GALNT13: variants seen among roughly 807,000 people sequenced by gnomAD.
GALNT13 encodes polypeptide N-acetylgalactosaminyltransferase 13.
A neutral mutation model predicts 64.2 loss-of-function variants in GALNT13; 28 were observed. The ratio of observed to expected loss-of-function variants is 0.44; its 90% confidence interval spans 0.32 to 0.60. The LOEUF (loss-of-function observed/expected upper bound fraction) is 0.60. Ranked by LOEUF, GALNT13 falls within the 20% of genes least tolerant of loss-of-function variation. GALNT13 has a pLI of 0.05. For synonymous variants in GALNT13, 214 were observed against 224.6 expected, an observed-to-expected ratio of 0.95 and a Z score of 0.42; for missense variants, 577 against 669.8, an observed-to-expected ratio of 0.86 and a Z score of 1.53.
chr2:153,266,636 G>A, the GALNT13 span, among the ~76,000 whole-genome samples: 5 of 152,046 alleles, frequency 3.3e-5, no homozygotes, highest in African/African-American at 1.2e-4. Flanking sequence ...GATCTCATGA[G>A]AACTCACTCA....
the GALNT13 span, among the ~76,000 whole-genome samples, chr2:153,712,700 G>A: frequency 6.6e-6 from 1 of 152,078 alleles, no homozygotes; most frequent in Non-Finnish European, 1.5e-5. Flanking sequence ...CAACTTTGAG[G>A]TATACGACAT....
chr2:153,854,791 G>A, the GALNT13 span, among the ~76,000 whole-genome samples: 2 of 152,014 alleles, frequency 1.3e-5, 1 homozygote, highest in East Asian at 3.8e-4. Context: ...AAATTTTTTG[G>A]TGGAAACTAA....
chr2:153,590,940 T>C, the GALNT13 span, among the ~76,000 whole-genome samples: 1 of 151,754 alleles, frequency 6.6e-6, no homozygotes, highest in Non-Finnish European at 1.5e-5. Flanking sequence ...CCACTCCTAT[T>C]CAACATTGTA....
At chr2:153,453,243 C>T in the GALNT13 span, among the ~76,000 whole-genome samples, 197 of 152,128 alleles carry the variant, frequency 1.3e-3, no homozygotes, top group African/African-American at 4.6e-3. Context: ...CCAAAGCAAT[C>T]GCTACAAAAA....
chr2:153,765,052 G>A, the GALNT13 span, among the ~76,000 whole-genome samples: 11 of 152,330 alleles, frequency 7.2e-5, no homozygotes, highest in East Asian at 1.9e-4. Flanking sequence ...GATGTGCTGC[G>A]GGGACGTAGT....
the GALNT13 span, among the ~76,000 whole-genome samples, chr2:153,828,309 G>T: frequency 6.6e-6 from 1 of 152,200 alleles, no homozygotes; most frequent in African/African-American, 2.4e-5. Flanking sequence ...CCTAGCAAAG[G>T]TTCTCCATGA....
intron 3 of GALNT13, among the ~76,000 whole-genome samples, chr2:154,036,792 AAGGTTGGCT>A (rs1321580703): frequency 9.2e-5 from 14 of 152,130 alleles, no homozygotes; most frequent in African/African-American, 3.4e-4. Context: ...GATGGTCTAC[AAGGTTGGCT>A]GCCCATTGGA....
At chr2:153,135,878 A>G in the GALNT13 span, among the ~76,000 whole-genome samples, 2 of 152,244 alleles carry the variant, frequency 1.3e-5, no homozygotes, top group South Asian at 2.1e-4. Flanking sequence ...ATTTTTATAT[A>G]TGATTCTGTG....
the GALNT13 span, among the ~76,000 whole-genome samples, chr2:153,270,827 G>C: frequency 1.2e-4 from 18 of 152,062 alleles, no homozygotes; most frequent in African/African-American, 4.3e-4. Flanking sequence ...ACTCAGCCTA[G>C]GTGACAGGGT....
At chr2:153,359,585 C>G in the GALNT13 span, among the ~76,000 whole-genome samples, 32 of 122,720 alleles carry the variant, frequency 2.6e-4, no homozygotes, top group African/African-American at 9.4e-4. Context: ...GATGTGAGCA[C>G]TCACCTGAGC....
At chr2:153,859,069 C>A in the GALNT13 span, among the ~76,000 whole-genome samples, 1 of 152,178 alleles carries the variant, frequency 6.6e-6, no homozygotes, top group South Asian at 2.1e-4. Context: ...AGGTTAAGTA[C>A]TAGCTGCAGT....
At chr2:154,005,891 T>C (rs1292825547) in intron 3 of GALNT13, among the ~76,000 whole-genome samples, 1 of 152,170 alleles carries the variant, frequency 6.6e-6, no homozygotes, top group Non-Finnish European at 1.5e-5. Context: ...CTTTAGAATT[T>C]TCCTTTTGGA....
At chr2:153,767,921 A>G in the GALNT13 span, among the ~76,000 whole-genome samples, 2 of 151,770 alleles carry the variant, frequency 1.3e-5, no homozygotes, top group Non-Finnish European at 2.9e-5. Flanking sequence ...TCTGTTGATA[A>G]TTTCTTATGC....
chr2:153,407,564 G>A, the GALNT13 span, among the ~76,000 whole-genome samples: 1 of 152,126 alleles, frequency 6.6e-6, no homozygotes, highest in Non-Finnish European at 1.5e-5. Flanking sequence ...ACATCTGCTA[G>A]ACCCAAATCA....
chr2:153,885,152 G>T (rs1687086446), intron 1 of GALNT13, among the ~76,000 whole-genome samples: 2 of 151,940 alleles, frequency 1.3e-5, no homozygotes. Context: ...GTGAAGATAG[G>T]TCTATCATTT....
chr2:153,277,786 C>T, the GALNT13 span, among the ~76,000 whole-genome samples: 1 of 151,802 alleles, frequency 6.6e-6, no homozygotes, highest in African/African-American at 2.4e-5. Context: ...TAGTGATGTT[C>T]AGCAGTTTTT....
chr2:153,271,172 G>A, the GALNT13 span, among the ~76,000 whole-genome samples: 1 of 152,132 alleles, frequency 6.6e-6, no homozygotes, highest in Non-Finnish European at 1.5e-5. Context: ...CATACTGAAT[G>A]GGCAAAAGCT....
chr2:153,612,111 G>A, the GALNT13 span, among the ~76,000 whole-genome samples: 1 of 152,012 alleles, frequency 6.6e-6, no homozygotes, highest in South Asian at 2.1e-4. Flanking sequence ...TATCATTGAC[G>A]GGCATTTGGG....
At chr2:154,442,395 T>C (rs1048738266) in intron 12 of GALNT13, among the ~76,000 whole-genome samples, 2 of 152,114 alleles carry the variant, frequency 1.3e-5, no homozygotes, top group African/African-American at 4.8e-5. Context: ...CCTAACTAAA[T>C]AGTCCTTAAA....
Sources: gnomAD v4.1 joint callset for allele counts (sites outside exome capture counted in the v4.1 genomes callset) on GRCh38, gnomAD v4.1.1 for gene constraint, MANE v1.5 for transcripts, NCBI Gene and HGNC (gene_info 2026-07-23, HGNC 2026-07-21) for gene names.